The following RGS17 variants were observed in gnomAD, a reference collection of about 807,000 sequenced individuals.
The protein encoded by RGS17 is regulator of G protein signaling 17.
RGS17 carries 12 observed loss-of-function variants against 25.5 expected under a neutral mutation model. That is an observed-to-expected ratio of 0.47 (90% CI 0.30 to 0.76). The LOEUF (loss-of-function observed/expected upper bound fraction) is 0.76, where lower values mean the gene tolerates loss of function less well. Among genes scored for constraint, RGS17 ranks in the 30% least tolerant of loss-of-function variants. The pLI is 0.07. For missense variants in RGS17, 196 were observed against 242.2 expected, an observed-to-expected ratio of 0.81 and a Z score of 1.27; for synonymous variants, 71 against 76.9, an observed-to-expected ratio of 0.92 and a Z score of 0.40.
At chr6:153,097,283 TTTTTTGA>T (rs1298541821) in intron 1 of RGS17, among the ~76,000 whole-genome samples, 10 of 132,074 alleles carry the variant, frequency 7.6e-5, no homozygotes, top group East Asian at 2.4e-4. Context: ...ACAATAGCGT[TTTTTTGA>T]TTTTTTTTTT....
chr6:153,055,226 T>C (rs1776536702), intron 1 of RGS17, among the ~76,000 whole-genome samples: 1 of 152,124 alleles, frequency 6.6e-6, no homozygotes, highest in Non-Finnish European at 1.5e-5. Flanking sequence ...GCTGAGGGGA[T>C]TGGTGTGGGT....
chr6:153,122,524 C>T (rs1777647108), intron 1 of RGS17, among the ~76,000 whole-genome samples: 1 of 152,048 alleles, frequency 6.6e-6, no homozygotes, highest in African/African-American at 2.4e-5. Flanking sequence ...AAAACATGGA[C>T]TCCAATAGCT....
chr6:153,054,102 A>G lies in RGS17; in HGVS notation c.-25-10059T>C, dbSNP rs1163123320. ...TACACACAATATTTTTTATATATAT[A>G]TATATATATATGTGTATATATATAT... On this transcript the variant is annotated intron_variant, in intron 1 of 4. Coordinates refer to ENST00000206262, the MANE Select transcript of RGS17 (RefSeq NM_012419.5). Among the ~76,000 whole-genome samples the G allele has an allele frequency of 5.0e-5, 5 of 99,204 alleles. 1 individual carries two copies. Among genetic ancestry groups the G allele is most frequent in the African/African-American group, 2.1e-4 (5 of 24,280 alleles). 65.1% of individuals were successfully genotyped at this position (99,204 alleles called of 152,430 possible).
rs371954150 is a variant in RGS17, at chr6:153,024,291, C to T, written c.415G>A (p.Asp139Asn). ...IEEKARMIYE[D>N]YISILSPKEV... Reference sequence around the variant, plus strand: ...TTTGGTGATAGTATAGAAATGTAATCTTCATATATCATCCTAGCCTTTTCT... The same window carrying T: ...TTTGGTGATAGTATAGAAATGTAATTTTCATATATCATCCTAGCCTTTTCT... The change falls in exon 4 of 5, where the codon GAT becomes AAT. Residue 139 changes from aspartate (D) to asparagine (N), a missense_variant. By Grantham distance (23) the Asp-to-Asn change is conservative (BLOSUM62 1). Transcript: ENST00000206262. The T allele has an allele frequency of 3.3e-5, 53 of 1,612,042 alleles. No individual in the cohort carries two copies. The highest frequency in any genetic ancestry group is 4.2e-5 in the Non-Finnish European group (50 of 1,178,456).
intron 1 of RGS17, among the ~76,000 whole-genome samples, chr6:153,073,431 C>T (rs1776835750): frequency 6.6e-6 from 1 of 152,100 alleles, no homozygotes; most frequent in Non-Finnish European, 1.5e-5. Context: ...GAAGGTTTAG[C>T]AGTCAGGGTC....
intron 4 of RGS17, among the ~76,000 whole-genome samples, chr6:153,013,602 AAGTT>A (rs1779155473): frequency 6.6e-6 from 1 of 152,250 alleles, no homozygotes. Flanking sequence ...CCTCTTTTGA[AAGTT>A]AGCCAAGTTG....
chr6:153,066,956 C>T (rs934514853), intron 1 of RGS17, among the ~76,000 whole-genome samples: 3 of 152,022 alleles, frequency 2.0e-5, no homozygotes, highest in Non-Finnish European at 4.4e-5. Flanking sequence ...AGGAGAATGG[C>T]GTGTACCTGG....
At chr6:153,061,916 C>T (rs1776644202) in intron 1 of RGS17, among the ~76,000 whole-genome samples, 1 of 152,108 alleles carries the variant, frequency 6.6e-6, no homozygotes, top group Non-Finnish European at 1.5e-5. Context: ...TTATGCTTTC[C>T]AAAGCTACAT....
chr6:153,112,932 T>C (rs1777494225), intron 1 of RGS17, among the ~76,000 whole-genome samples: 3 of 151,996 alleles, frequency 2.0e-5, no homozygotes, highest in Admixed American at 6.6e-5. Context: ...GCACTAAATA[T>C]GGGAAGGAAA....
chr6:153,105,256 T>C (rs1224972899), intron 1 of RGS17, among the ~76,000 whole-genome samples: 2 of 152,136 alleles, frequency 1.3e-5, no homozygotes, highest in Non-Finnish European at 2.9e-5. Flanking sequence ...CTACCTGCCA[T>C]GTAGTTGTTG....
intron 1 of RGS17, among the ~76,000 whole-genome samples, chr6:153,049,654 G>A (rs1046917497): frequency 1.3e-5 from 2 of 152,090 alleles, no homozygotes; most frequent in East Asian, 3.9e-4. Context: ...GGGAGGCTGA[G>A]GCAGGAGAAT....
Position 153,130,902 on chromosome 6 carries a change from C to T in RGS17, c.-26+222G>A, listed in dbSNP as rs939901018. On this transcript the variant is annotated intron_variant, in intron 1 of 4. Coordinates refer to ENST00000206262, the MANE Select transcript of RGS17 (RefSeq NM_012419.5). The surrounding 1 kb of genome is among the most constrained non-coding windows in gnomAD (Gnocchi z 6.4). ...CAGGCAGCGACGCGGGATTCAACTT[C>T]CCGGACCCGCGGCGCGGCCCCCGCT... Among the ~76,000 whole-genome samples the T allele has an allele frequency of 6.6e-6, 1 of 151,898 alleles. No homozygotes were observed. The highest frequency in any genetic ancestry group is 2.4e-5 in the African/African-American group (1 of 41,410).
In RGS17 at chr6:153,020,111, A is replaced by AAT. The variant is rs1779227259; in HGVS notation, c.444+4149_444+4150dup. On this transcript the variant is annotated intron_variant, in intron 4 of 4. Transcript: ENST00000206262. ...AATTGCAAATATCTTAAAAAAAAAAAATATATATATATATATATATATATA... is the reference window on the plus strand; with the variant it reads ...AATTGCAAATATCTTAAAAAAAAAAAATATATATATATATATATATATATATA... Among the ~76,000 whole-genome samples, 406 of 58,400 alleles carry AAT rather than the reference A, an allele frequency of 7.0e-3. 5 individuals are homozygous for AAT. The highest frequency in any genetic ancestry group is 0.028 in the Middle Eastern group (2 of 72). 38.3% of individuals were successfully genotyped at this position (58,400 alleles called of 152,430 possible).
intron 1 of RGS17, among the ~76,000 whole-genome samples, chr6:153,057,144 T>C (rs1412730158): frequency 6.6e-6 from 1 of 151,746 alleles, no homozygotes; most frequent in Non-Finnish European, 1.5e-5. Flanking sequence ...AACTCTTATA[T>C]TTTATTTTAA....
chr6:153,040,518 T>C (rs750637372), intron 2 of RGS17, among the ~76,000 whole-genome samples: 9 of 152,188 alleles, frequency 5.9e-5, no homozygotes, highest in Non-Finnish European at 1.0e-4. Flanking sequence ...ACCACTCTAT[T>C]TCCTTAAAAG....
chr6:153,087,701 G>C (rs941503906), intron 1 of RGS17, among the ~76,000 whole-genome samples: 1 of 152,120 alleles, frequency 6.6e-6, no homozygotes, highest in African/African-American at 2.4e-5. Flanking sequence ...TGTGTAGGAG[G>C]CAGATAATGT....
chr6:153,070,710 T>TAG (rs1562326016), intron 1 of RGS17, among the ~76,000 whole-genome samples: 1 of 150,420 alleles, frequency 6.6e-6, no homozygotes, highest in Non-Finnish European at 1.5e-5. Context: ...TGTATATACA[T>TAG]ATATATATAC....
intron 2 of RGS17, among the ~76,000 whole-genome samples, chr6:153,029,078 T>C (rs1169673508): frequency 6.6e-6 from 1 of 152,192 alleles, no homozygotes; most frequent in African/African-American, 2.4e-5. Flanking sequence ...AAATATTAGG[T>C]TGAGTTTACA....
intron 4 of RGS17, among the ~76,000 whole-genome samples, chr6:153,016,448 AG>A (rs3839482): frequency 0.017 from 2,575 of 152,248 alleles, 55 homozygotes; most frequent in African/African-American, 0.051. Flanking sequence ...AGATTAAAAA[AG>A]GGGGGGTCAT....
Sources: allele counts gnomAD v4.1 joint callset (sites outside exome capture counted in the v4.1 genomes callset), GRCh38; gene constraint gnomAD v4.1.1; non-coding constraint Gnocchi (gnomAD v3.1); transcripts MANE v1.5; gene names NCBI Gene and HGNC (gene_info 2026-07-23, HGNC 2026-07-21).